The following AGMO variants were observed in gnomAD, a reference collection of about 807,000 sequenced individuals.
AGMO encodes alkylglycerol monooxygenase.
In AGMO, 75 loss-of-function variants were observed where a neutral mutation model predicts 60.2. That is an observed-to-expected ratio of 1.25 (90% confidence interval 1.03 to 1.51). AGMO has a LOEUF of 1.51. AGMO is among the 40% of genes most tolerant of loss of function. The pLI is 0.00. For missense variants in AGMO, 763 were observed against 525.5 expected (o/e 1.45, Z -4.42); for synonymous variants, 261 against 177.1 (o/e 1.47, Z -3.76).
At chr7:15,282,712 A>G (rs1784003692) in intron 12 of AGMO, among the ~76,000 whole-genome samples, 1 of 152,206 alleles carries the variant, frequency 6.6e-6, no homozygotes. Context: ...AGGCAAATTT[A>G]GATGTCCAAA....
chr7:15,392,077 ATTTT>A (rs537581549), intron 6 of AGMO, among the ~76,000 whole-genome samples: 1 of 149,740 alleles, frequency 6.7e-6, no homozygotes, highest in Non-Finnish European at 1.5e-5. Context: ...TTTTAATTTA[ATTTT>A]TTTTTTGAGA....
intron 3 of AGMO, among the ~76,000 whole-genome samples, chr7:15,442,513 A>T (rs149058214): frequency 7.9e-5 from 12 of 152,200 alleles, no homozygotes; most frequent in African/African-American, 2.6e-4. Flanking sequence ...ATATTCCCCA[A>T]CCTTGACCCT....
chr7:15,414,392 G>T (rs1233212735), intron 5 of AGMO, among the ~76,000 whole-genome samples: 6 of 151,936 alleles, frequency 3.9e-5, no homozygotes, highest in African/African-American at 1.5e-4. Context: ...TACTATAAAA[G>T]TCTTACATTT....
chr7:15,377,667 A>G (rs767604759), intron 10 of AGMO, among the ~76,000 whole-genome samples: 22 of 152,194 alleles, frequency 1.4e-4, no homozygotes, highest in Admixed American at 2.6e-4. Context: ...ATTGGTTAGT[A>G]TATCAACAGT....
chr7:15,177,460 G>C, the AGMO span, among the ~76,000 whole-genome samples: 1 of 152,008 alleles, frequency 6.6e-6, no homozygotes. Context: ...TTTAGTTCCA[G>C]TGGTTTGTAC....
At chr7:15,180,737 C>G in the AGMO span, among the ~76,000 whole-genome samples, 6 of 152,188 alleles carry the variant, frequency 3.9e-5, no homozygotes, top group East Asian at 1.2e-3. Flanking sequence ...GTGTTTGTAA[C>G]AGCAGCAGCC....
At chr7:15,415,158 G>A (rs1780727385) in intron 5 of AGMO, among the ~76,000 whole-genome samples, 1 of 151,878 alleles carries the variant, frequency 6.6e-6, no homozygotes, top group African/African-American at 2.4e-5. Flanking sequence ...CATCAGTGGT[G>A]CAATCTCAGC....
At chr7:15,197,568 A>C (rs2069533131), downstream of AGMO, among the ~76,000 whole-genome samples, 3 of 152,332 alleles carry the variant, frequency 2.0e-5, no homozygotes, top group East Asian at 3.9e-4. Flanking sequence ...TATGGAAGTA[A>C]ATGGCATAAC....
intron 12 of AGMO, among the ~76,000 whole-genome samples, chr7:15,305,990 T>G (rs924348697): frequency 6.6e-6 from 1 of 152,020 alleles, no homozygotes; most frequent in Non-Finnish European, 1.5e-5. Context: ...TTCTGGTAAT[T>G]CATAAATTCT....
the AGMO span, among the ~76,000 whole-genome samples, chr7:15,154,807 C>T: frequency 6.6e-6 from 1 of 152,088 alleles, no homozygotes; most frequent in African/African-American, 2.4e-5. Context: ...TAACAAATTT[C>T]CTTAGCATTT....
intron 2 of AGMO, among the ~76,000 whole-genome samples, chr7:15,549,175 A>G (rs1784873095): frequency 6.8e-6 from 1 of 146,014 alleles, no homozygotes; most frequent in Non-Finnish European, 1.5e-5. Context: ...AGCGCTAAAC[A>G]TGGAAAGGAA....
At chr7:15,508,999 G>C (rs1008585567) in intron 3 of AGMO, among the ~76,000 whole-genome samples, 2 of 152,094 alleles carry the variant, frequency 1.3e-5, no homozygotes, top group African/African-American at 2.4e-5. Flanking sequence ...TTGCTTATTT[G>C]GAAACTATCC....
intron 5 of AGMO, among the ~76,000 whole-genome samples, chr7:15,405,941 G>C (rs1043508749): frequency 6.6e-6 from 1 of 151,740 alleles, no homozygotes; most frequent in African/African-American, 2.4e-5. Context: ...TCCCTGAAAT[G>C]TTCTCTTCTT....
At chr7:15,513,063 C>T (rs1783716591) in intron 3 of AGMO, among the ~76,000 whole-genome samples, 1 of 152,122 alleles carries the variant, frequency 6.6e-6, no homozygotes, top group Admixed American at 6.5e-5. Context: ...AGGTATTACA[C>T]ATAGTTGTTT....
At chr7:15,143,912 G>T in the AGMO span, among the ~76,000 whole-genome samples, 1 of 151,998 alleles carries the variant, frequency 6.6e-6, no homozygotes, top group Non-Finnish European at 1.5e-5. Context: ...GAAAGCCAGC[G>T]CACTGTACAT....
intron 3 of AGMO, among the ~76,000 whole-genome samples, chr7:15,437,725 A>G (rs915501721): frequency 2.6e-5 from 4 of 152,070 alleles, no homozygotes; most frequent in African/African-American, 9.7e-5. Context: ...TATTTTTAGT[A>G]GAGACGGGGT....
intron 3 of AGMO, among the ~76,000 whole-genome samples, chr7:15,493,351 ACACACACACAC>A (rs2128521760): frequency 2.5e-5 from 2 of 81,338 alleles, no homozygotes; most frequent in East Asian, 1.6e-3. Context: ...ACACACACAC[ACACACACACAC>A]TTCTTTTTTT....
the AGMO span, among the ~76,000 whole-genome samples, chr7:15,169,228 G>C: frequency 6.6e-6 from 1 of 152,172 alleles, no homozygotes; most frequent in Non-Finnish European, 1.5e-5. Context: ...TTTTGGCTTT[G>C]CAAGCCAGGT....
In AGMO at chr7:15,526,132, G is replaced by A. The variant is rs976134489; in HGVS notation, c.409+18640C>T. 2.6e-5 allele frequency among the ~76,000 whole-genome samples: 4 copies of A among 152,252 alleles called. No individual in the cohort carries two copies. In the East Asian group the frequency reaches 5.8e-4, roughly 22 times the overall value. Reference sequence around the variant, plus strand: ...GGGTGCAAGCCAGGCACTGCCCGGCGGGCTGAGTAGATGGGGTGTCTCCTG... The same window carrying A: ...GGGTGCAAGCCAGGCACTGCCCGGCAGGCTGAGTAGATGGGGTGTCTCCTG... On this transcript the variant is annotated intron_variant, in intron 3 of 12. Coordinates refer to ENST00000342526, the MANE Select transcript of AGMO (RefSeq NM_001004320.2).
Sources: allele counts gnomAD v4.1 joint callset (sites outside exome capture counted in the v4.1 genomes callset), GRCh38; gene constraint gnomAD v4.1.1; transcripts MANE v1.5; gene names NCBI Gene and HGNC (gene_info 2026-07-23, HGNC 2026-07-21).